Variants in PHTF2 observed in about 807,000 individuals in gnomAD.
PHTF2 encodes the protein putative homeodomain transcription factor 2.
PHTF2 carries 60 observed loss-of-function variants against 101.2 expected under a neutral mutation model. The observed-to-expected ratio is 0.59, with a 90% CI of 0.48 to 0.73. The LOEUF (loss-of-function observed/expected upper bound fraction) is 0.73. Ranked by LOEUF, PHTF2 falls within the 30% of genes least tolerant of loss-of-function variation. The probability of loss-of-function intolerance (pLI) is 0.00; values close to 1 mark genes in which losing one functional copy is unlikely to be tolerated. For synonymous variants in PHTF2, 311 were observed against 307.3 expected (o/e 1.01, Z -0.13); for missense variants, 747 against 908.7 (o/e 0.82, Z 2.29).
At chr7:77,949,871 T>C in intron 17 of PHTF2, 38 bp downstream of exon 16, 1 of 1,081,846 alleles carries the variant, frequency 9.2e-7, no homozygotes, top group South Asian at 1.6e-5. Context: ...AATTAATGTC[T>C]ATAAGTTAAA....
At chr7:77,911,855 T>TA (rs1039891833) in intron 9 of PHTF2, among the ~76,000 whole-genome samples, 26 of 152,194 alleles carry the variant, frequency 1.7e-4, no homozygotes, top group Non-Finnish European at 3.1e-4. Flanking sequence ...TTTAGTCTTT[T>TA]AAAAAAAATG....
At chr7:77,925,560 A>C (rs1803908737) in intron 11 of PHTF2, among the ~76,000 whole-genome samples, 1 of 113,152 alleles carries the variant, frequency 8.8e-6, no homozygotes, top group Non-Finnish European at 1.6e-5. Context: ...CCCAGGCTGG[A>C]GTGCAGTGGC....
At chr7:77,883,302 A>T (rs17234668) in intron 3 of PHTF2, among the ~76,000 whole-genome samples, 1,857 of 152,310 alleles carry the variant, frequency 0.012, 16 homozygotes, top group Middle Eastern at 0.031. Context: ...AATGATTTGA[A>T]GTGGCCCAGA....
intron 1 of PHTF2, among the ~76,000 whole-genome samples, chr7:77,823,695 T>C (rs1475295307): frequency 2.0e-5 from 3 of 152,180 alleles, no homozygotes; most frequent in Non-Finnish European, 2.9e-5. Context: ...TGAAAGTATA[T>C]GGTATATTTG....
intron 9 of PHTF2, among the ~76,000 whole-genome samples, chr7:77,919,829 G>T (rs1803278840): frequency 6.6e-6 from 1 of 151,996 alleles, no homozygotes; most frequent in African/African-American, 2.4e-5. Context: ...CAAAAGACCT[G>T]TGTCTTCACT....
At chr7:77,910,356 C>G (rs12673343) in exon 9 of PHTF2, 2 of 1,613,712 alleles carry the variant, frequency 1.2e-6, no homozygotes, top group African/African-American at 2.7e-5. Context: ...GCACCTCTCA[C>G]AGCGTTGGCA....
At chr7:77,846,771 A>G in intron 2 of PHTF2, among the ~76,000 whole-genome samples, 1 of 151,982 alleles carries the variant, frequency 6.6e-6, no homozygotes, top group Admixed American at 6.6e-5. Context: ...CCTTCCGAGT[A>G]GCTGGGACTA....
At chr7:77,954,830 G>C in intron 19 of PHTF2, 28 bp from the exon 19 acceptor site, 1 of 1,388,514 alleles carries the variant, frequency 7.2e-7, no homozygotes, top group South Asian at 1.3e-5. Context: ...AAACTGGCTT[G>C]TCACCACTTC....
chr7:77,933,465 A>G (rs1349319430), intron 12 of PHTF2, among the ~76,000 whole-genome samples: 2 of 152,218 alleles, frequency 1.3e-5, no homozygotes, highest in Non-Finnish European at 2.9e-5. Flanking sequence ...AAGTTGTAGT[A>G]GATTCCTTTC....
chr7:77,954,602 C>A (rs1806819368), intron 19 of PHTF2, among the ~76,000 whole-genome samples: 1 of 96,130 alleles, frequency 1.0e-5, no homozygotes, highest in Admixed American at 1.1e-4. Context: ...TCATATTAAA[C>A]AAGTACTGTG....
intron 3 of PHTF2, among the ~76,000 whole-genome samples, chr7:77,866,779 C>G (rs1003149338): frequency 1.3e-5 from 2 of 152,050 alleles, no homozygotes; most frequent in African/African-American, 4.8e-5. Context: ...TATGACATAG[C>G]TTTTCTTGTT....
intron 11 of PHTF2, among the ~76,000 whole-genome samples, chr7:77,927,963 C>T (rs996424241): frequency 6.6e-6 from 1 of 151,960 alleles, no homozygotes; most frequent in Non-Finnish European, 1.5e-5. Context: ...CAGTGAGAAG[C>T]CAAGGAAAGA....
At chr7:77,814,304 T>G (rs1793672379) in intron 1 of PHTF2, among the ~76,000 whole-genome samples, 1 of 152,222 alleles carries the variant, frequency 6.6e-6, no homozygotes, top group Non-Finnish European at 1.5e-5. Context: ...CAGTGATCAA[T>G]ACATAACCTT....
At chr7:77,802,203 G>A (rs957706967) in intron 1 of PHTF2, among the ~76,000 whole-genome samples, 1 of 152,156 alleles carries the variant, frequency 6.6e-6, no homozygotes, top group Non-Finnish European at 1.5e-5. Flanking sequence ...TGTATAAAAT[G>A]TATGTGTGAA....
At chr7:77,903,658 A>G (rs1333344778) in intron 7 of PHTF2, among the ~76,000 whole-genome samples, 1 of 152,234 alleles carries the variant, frequency 6.6e-6, no homozygotes, top group East Asian at 1.9e-4. Context: ...TATGATGAAC[A>G]CTAAACATTC....
chr7:77,929,255 T>C, exon 12 of PHTF2: 1 of 1,610,420 alleles, frequency 6.2e-7, no homozygotes, highest in South Asian at 1.1e-5. Context: ...CTTGTACCAG[T>C]GAGACAGATG....
At position 77,901,995 on chromosome 7, in the gene PHTF2, A is replaced by C. The variant is rs544001124; in HGVS notation, c.445+75A>C. 13 of 762,414 alleles carry C rather than the reference A, an allele frequency of 1.7e-5. No homozygotes were observed. In the East Asian group the frequency reaches 3.7e-4, roughly 22 times the overall value. The allele number at this position is 762,414 out of a possible 1,614,324, so 47.2% of individuals were successfully genotyped here. A position where few individuals can be genotyped will look rare whatever the true frequency, so the allele number is the denominator to read the frequency against. On this transcript the variant is annotated intron_variant, in intron 7 of 19. Transcript: ENST00000416283. Reference sequence around the variant, plus strand: ...GGTTTAATAAGTCTTTGTTTTAAACATATGCTAACTACTACTGAGTATGAT... The same window carrying C: ...GGTTTAATAAGTCTTTGTTTTAAACCTATGCTAACTACTACTGAGTATGAT...
At chr7:77,952,661 A>G (rs190002954) in intron 18 of PHTF2, among the ~76,000 whole-genome samples, 4 of 152,334 alleles carry the variant, frequency 2.6e-5, no homozygotes, top group East Asian at 1.9e-4. Context: ...TTCAGAGTGT[A>G]GGCACTGTGT....
chr7:77,846,514 G>A (rs934564804), intron 2 of PHTF2, among the ~76,000 whole-genome samples: 6 of 151,866 alleles, frequency 4.0e-5, no homozygotes, highest in Admixed American at 3.3e-4. Context: ...GGTGGGTGAG[G>A]CACTGTTGCC....
Sources: allele counts gnomAD v4.1 joint callset (sites outside exome capture counted in the v4.1 genomes callset), GRCh38; gene constraint gnomAD v4.1.1; transcripts MANE v1.5; gene names NCBI Gene and HGNC (gene_info 2026-07-23, HGNC 2026-07-21).